The following ZNF804B variants were observed in gnomAD, a reference collection of about 807,000 sequenced individuals.
ZNF804B encodes the protein zinc finger protein 804B.
Under a neutral mutation model 101.4 loss-of-function variants are expected in ZNF804B, and 80 were observed. The ratio of observed to expected loss-of-function variants is 0.79; its 90% CI spans 0.66 to 0.95. The LOEUF (loss-of-function observed/expected upper bound fraction) is 0.95, where lower values mean the gene tolerates loss of function less well. Ranked by LOEUF, ZNF804B falls within the 40% of genes least tolerant of loss-of-function variation. The pLI is 0.00. For synonymous variants in ZNF804B, 622 were observed against 558.8 expected (o/e 1.11, Z -1.59); for missense variants, 1,673 against 1,561.9 (o/e 1.07, Z -1.20).
chr7:88,825,438 C>T (rs2115769785), intron 1 of ZNF804B, among the ~76,000 whole-genome samples: 1 of 152,180 alleles, frequency 6.6e-6, no homozygotes, highest in East Asian at 1.9e-4. Context: ...CAATCAGACA[C>T]TCTGAGACCC....
At chr7:89,065,645 A>G (rs1329959229) in intron 1 of ZNF804B, among the ~76,000 whole-genome samples, 2 of 152,072 alleles carry the variant, frequency 1.3e-5, no homozygotes, top group Non-Finnish European at 2.9e-5. Context: ...GAAGTCTAAA[A>G]CCAAAGTGTT....
At chr7:88,894,071 A>C (rs1283405899) in intron 1 of ZNF804B, among the ~76,000 whole-genome samples, 1 of 152,202 alleles carries the variant, frequency 6.6e-6, no homozygotes, top group Non-Finnish European at 1.5e-5. Context: ...AAGTTTTCAA[A>C]AATACTGTAT....
chr7:89,039,523 A>G (rs1310981297), intron 1 of ZNF804B, among the ~76,000 whole-genome samples: 1 of 151,902 alleles, frequency 6.6e-6, no homozygotes, highest in Non-Finnish European at 1.5e-5. Context: ...CTACTAATTC[A>G]TATATGTTGA....
intron 1 of ZNF804B, among the ~76,000 whole-genome samples, chr7:89,143,442 A>G (rs1790745726): frequency 6.6e-6 from 1 of 151,938 alleles, no homozygotes; most frequent in South Asian, 2.1e-4. Flanking sequence ...CCCAGCTTCT[A>G]ATATCTATCT....
chr7:88,942,497 A>AGTGTGT (rs1321713936), intron 1 of ZNF804B, among the ~76,000 whole-genome samples: 3 of 113,208 alleles, frequency 2.6e-5, no homozygotes, highest in Admixed American at 9.3e-5. Flanking sequence ...AAGATATTTG[A>AGTGTGT]GTGAGTGTGT....
chr7:88,795,840 A>G (rs1430514143), intron 1 of ZNF804B: 1 of 152,058 alleles, frequency 6.6e-6, no homozygotes. Context: ...ATCTCGACAA[A>G]CACTTCAAAG....
chr7:88,860,540 A>C (rs560831479), intron 1 of ZNF804B, among the ~76,000 whole-genome samples: 1 of 152,222 alleles, frequency 6.6e-6, no homozygotes, highest in African/African-American at 2.4e-5. Context: ...AATTGGATCA[A>C]AGCAACTTAC....
intron 2 of ZNF804B, among the ~76,000 whole-genome samples, chr7:89,245,689 A>C (rs114883480): frequency 0.041 from 6,180 of 152,252 alleles, 131 homozygotes; most frequent in Non-Finnish European, 0.049. Flanking sequence ...AAATAGGAAC[A>C]GTGCATAAAT....
At chr7:88,833,035 C>A (rs1420103201) in intron 1 of ZNF804B, among the ~76,000 whole-genome samples, 3 of 151,864 alleles carry the variant, frequency 2.0e-5, no homozygotes, top group Non-Finnish European at 4.4e-5. Context: ...ATGCTAAAAT[C>A]TGATTGTTTT....
chr7:89,137,570 A>T (rs112510754), intron 1 of ZNF804B, among the ~76,000 whole-genome samples: 2 of 152,106 alleles, frequency 1.3e-5, no homozygotes, highest in Admixed American at 6.6e-5. Flanking sequence ...ATCTGGTGGA[A>T]GAAATTTTTA....
chr7:88,898,233 C>A (rs1237247528), intron 1 of ZNF804B, among the ~76,000 whole-genome samples: 1 of 151,498 alleles, frequency 6.6e-6, no homozygotes, highest in African/African-American at 2.4e-5. Context: ...ACTACAGGCG[C>A]CCGCCACCAC....
Position 89,038,100 on chromosome 7 carries a change from A to G in ZNF804B, c.109-180055A>G, listed in dbSNP as rs34546179. On this transcript the variant is annotated intron_variant, in intron 1 of 3. Transcript: ENST00000333190. Reference sequence around the variant, plus strand: ...ATTGATGTGCACTTACATTGATTCCATATCTTGTCTTGTGTCAATAATGGT... The same window carrying G: ...ATTGATGTGCACTTACATTGATTCCGTATCTTGTCTTGTGTCAATAATGGT... Among the ~76,000 whole-genome samples, 899 of 152,242 alleles carry G rather than the reference A, an allele frequency of 5.9e-3. 4 individuals carry two copies. The highest frequency in any genetic ancestry group is 0.011 in the Non-Finnish European group (740 of 68,010).
intron 2 of ZNF804B, among the ~76,000 whole-genome samples, chr7:89,246,848 T>G (rs1175458189): frequency 6.6e-6 from 1 of 152,150 alleles, no homozygotes; most frequent in East Asian, 1.9e-4. Context: ...TTGAGCAGAT[T>G]GGCAACCTGA....
chr7:89,263,022 G>T (rs1224503948), intron 2 of ZNF804B, among the ~76,000 whole-genome samples: 1 of 152,154 alleles, frequency 6.6e-6, no homozygotes, highest in African/African-American at 2.4e-5. Context: ...AGGGAGATGG[G>T]TGTGAGCTGA....
chr7:89,117,599 G>A (rs1266115193), intron 1 of ZNF804B, among the ~76,000 whole-genome samples: 3 of 152,078 alleles, frequency 2.0e-5, no homozygotes, highest in Non-Finnish European at 4.4e-5. Flanking sequence ...TTGCTCAATG[G>A]GGAGAAATCT....
chr7:89,230,055 G>A (rs1007141763), intron 2 of ZNF804B, among the ~76,000 whole-genome samples: 1 of 151,974 alleles, frequency 6.6e-6, no homozygotes, highest in Admixed American at 6.6e-5. Context: ...AAAAATTATA[G>A]TGTTGAATGT....
chr7:88,927,023 A>G (rs1238136286), intron 1 of ZNF804B, among the ~76,000 whole-genome samples: 5 of 151,920 alleles, frequency 3.3e-5, no homozygotes, highest in African/African-American at 4.8e-5. Context: ...CAGCGCATAC[A>G]TTTTGGGGAC....
At chr7:88,922,713 C>T (rs1028718958) in intron 1 of ZNF804B, among the ~76,000 whole-genome samples, 31 of 151,780 alleles carry the variant, frequency 2.0e-4, no homozygotes, top group African/African-American at 7.0e-4. Context: ...ACCAAAGTGA[C>T]AGCAATCAAT....
chr7:89,301,103 T>A (rs1483134678), intron 2 of ZNF804B, among the ~76,000 whole-genome samples: 2 of 148,038 alleles, frequency 1.4e-5, no homozygotes, highest in Admixed American at 1.4e-4. Context: ...AAGCGTGTTT[T>A]TTTTTTTTTT....
Sources: gnomAD v4.1 joint callset for allele counts (sites outside exome capture counted in the v4.1 genomes callset) on GRCh38, gnomAD v4.1.1 for gene constraint, MANE v1.5 for transcripts, NCBI Gene and HGNC (gene_info 2026-07-23, HGNC 2026-07-21) for gene names.